The following NPY2R variants were observed in gnomAD, a reference collection of about 807,000 sequenced individuals.
NPY2R encodes neuropeptide Y receptor Y2, also known as neuropeptide Y receptor type 2.
In NPY2R, 17 loss-of-function variants were observed where a neutral mutation model predicts 22.3. That is an observed-to-expected ratio of 0.76 (90% confidence interval 0.52 to 1.14). The LOEUF (loss-of-function observed/expected upper bound fraction) is 1.14, where lower values mean the gene tolerates loss of function less well. Ranked by LOEUF, NPY2R falls within the 50% of genes most tolerant of loss-of-function variation. The pLI is 0.00. For missense variants in NPY2R, 424 were observed against 467.9 expected, an observed-to-expected ratio of 0.91 and a Z score of 0.87; for synonymous variants, 209 against 183.4, an observed-to-expected ratio of 1.14 and a Z score of -1.13.
chr4:155,196,161 C>G, the NPY2R span, among the ~76,000 whole-genome samples: 1 of 151,964 alleles, frequency 6.6e-6, no homozygotes, highest in African/African-American at 2.4e-5. Flanking sequence ...CCTTTTACAT[C>G]CTGGTCGGTG....
At chr4:155,188,605 A>T in the NPY2R span, among the ~76,000 whole-genome samples, 2 of 151,950 alleles carry the variant, frequency 1.3e-5, no homozygotes, top group African/African-American at 4.8e-5. Flanking sequence ...TTGCTAGCAG[A>T]CTCTTTCCCT....
chr4:155,202,511 G>A, the NPY2R span, among the ~76,000 whole-genome samples: 3 of 152,048 alleles, frequency 2.0e-5, no homozygotes, highest in African/African-American at 2.4e-5. Context: ...GGAGTGGTGC[G>A]TAATAAAATC....
In NPY2R at chr4:155,214,464, C is replaced by G. The variant is rs776415370; in HGVS notation, c.525C>G (p.Ile175Met). The change falls in exon 2 of 2, where the codon ATC (isoleucine) becomes ATG (methionine). Residue 175 changes from isoleucine (I) to methionine (M), a missense_variant. Physicochemically the swap from Ile to Met is conservative, Grantham distance 10 (BLOSUM62 1). Transcript: ENST00000329476. ...TGATTATTGGCTTGGCCTGGGGCAT[C>G]AGTGCCCTGCTGGCAAGTCCCCTGG... ...SFLIIGLAWG[I>M]SALLASPLAI... 17 of 1,613,958 alleles carry G rather than the reference C, an allele frequency of 1.1e-5. No individual in the cohort carries two copies. The highest frequency in any genetic ancestry group is 5.9e-6 in the Non-Finnish European group (7 of 1,180,024).
At chr4:155,207,944 A>G (rs1729315569), upstream of NPY2R, 1 of 152,374 alleles carries the variant, frequency 6.6e-6, no homozygotes, top group South Asian at 2.1e-4. Context: ...CTGAATCTGC[A>G]CTACTCAACT....
chr4:155,204,513 C>A (rs1729245858), upstream of NPY2R, among the ~76,000 whole-genome samples: 1 of 152,110 alleles, frequency 6.6e-6, no homozygotes, highest in Admixed American at 6.5e-5. Context: ...GCTCTTACTC[C>A]CTGCTGGATT....
the NPY2R span, among the ~76,000 whole-genome samples, chr4:155,190,202 T>C: frequency 2.6e-5 from 4 of 152,032 alleles, no homozygotes; most frequent in Non-Finnish European, 5.9e-5. Flanking sequence ...AAATAAAAGG[T>C]ATACCTTTCT....
At chr4:155,197,980 A>G in the NPY2R span, among the ~76,000 whole-genome samples, 9 of 152,006 alleles carry the variant, frequency 5.9e-5, no homozygotes, top group Non-Finnish European at 1.2e-4. Flanking sequence ...TTCCTCTCTG[A>G]CTTTCCACAT....
rs1300628524 is a variant in NPY2R at position 155,215,277 on chromosome 4, G to A, written c.*192G>A. ...GAAAATACTGGAATTCAAAGATAAG[G>A]CAACAAAATGGTTTACTTAACAGTT... On this transcript the variant is annotated 3_prime_UTR_variant, in exon 2 of 2. Coordinates refer to ENST00000329476, the MANE Select transcript of NPY2R (RefSeq NM_000910.4). 3.0e-6 allele frequency: 2 copies of A among 675,114 alleles called. No homozygotes were observed. Among genetic ancestry groups the A allele is most frequent in the Non-Finnish European group, 5.4e-6 (2 of 371,544 alleles). The allele number at this position is 675,114 out of a possible 1,614,324, so 41.8% of individuals were successfully genotyped here.
In NPY2R at chr4:155,208,885, C is replaced by A. The variant is rs1458072091; in HGVS notation, c.-233C>A. 6.6e-6 allele frequency: 1 copy of A among 152,170 alleles called. No individual in the cohort carries two copies. Among genetic ancestry groups the A allele is most frequent in the Non-Finnish European group, 1.5e-5 (1 of 68,060 alleles). The allele number at this position is 152,170 out of a possible 1,614,324, so 9.4% of individuals were successfully genotyped here. A position where few individuals can be genotyped will look rare whatever the true frequency, so the allele number is the denominator to read the frequency against. The stretch of plus-strand genomic sequence containing the variant: ...GACCCGGCAGCGCCAACCGCCCAGC[C>A]GCTCTGACTGCTCCGGCTGCCCGCC... On this transcript the variant is annotated 5_prime_UTR_variant, in exon 1 of 2. Transcript: ENST00000329476. The surrounding 1 kb of genome is among the most constrained non-coding windows in gnomAD (Gnocchi z 5.6).
At position 155,215,177 on chromosome 4, in the gene NPY2R, T is replaced by C. The variant is rs539588805; in HGVS notation, c.*92T>C. The C allele has an allele frequency of 8.3e-6, 10 of 1,210,360 alleles. No homozygotes were observed. In the East Asian group the frequency reaches 2.4e-4, roughly 30 times the overall value. 75.0% of individuals were successfully genotyped at this position (1,210,360 alleles called of 1,614,324 possible). ...TCACAAGTGAAAACTGATTTCCCAT[T>C]TTAAAGAAGAAGTGGATCTAAATGG... is the stretch of plus-strand genomic sequence containing the variant. On this transcript the variant is annotated 3_prime_UTR_variant, in exon 2 of 2. Transcript: ENST00000329476.
chr4:155,194,747 G>C, the NPY2R span, among the ~76,000 whole-genome samples: 4 of 151,940 alleles, frequency 2.6e-5, no homozygotes, highest in African/African-American at 9.7e-5. Flanking sequence ...ATTCCTTTGA[G>C]TGTATACCTG....
the NPY2R span, among the ~76,000 whole-genome samples, chr4:155,188,665 G>C: frequency 1.9e-3 from 294 of 152,204 alleles, 2 homozygotes; most frequent in Non-Finnish European, 3.5e-3. Context: ...TATGTGACAA[G>C]GGACTGAAGA....
At chr4:155,176,077 G>A in the NPY2R span, among the ~76,000 whole-genome samples, 1 of 152,074 alleles carries the variant, frequency 6.6e-6, no homozygotes, top group Non-Finnish European at 1.5e-5. Flanking sequence ...AAACTTGTCC[G>A]ATCACCACAT....
chr4:155,189,613 T>C, the NPY2R span, among the ~76,000 whole-genome samples: 3 of 151,980 alleles, frequency 2.0e-5, no homozygotes, highest in Non-Finnish European at 4.4e-5. Context: ...TATATATCTA[T>C]TGTATACATA....
chr4:155,204,001 TC>T (rs1729236641), upstream of NPY2R, among the ~76,000 whole-genome samples: 2 of 152,186 alleles, frequency 1.3e-5, no homozygotes, highest in Non-Finnish European at 2.9e-5. Context: ...CACTTTTTGG[TC>T]CTGTGCTCTT....
At chr4:155,210,562 C>T (rs879471548) in intron 1 of NPY2R, among the ~76,000 whole-genome samples, 13 of 152,108 alleles carry the variant, frequency 8.5e-5, no homozygotes, top group Non-Finnish European at 1.9e-4. Context: ...CAGTCTCTTT[C>T]TTAGTCTAGG....
chr4:155,197,584 C>T, the NPY2R span, among the ~76,000 whole-genome samples: 2 of 151,780 alleles, frequency 1.3e-5, no homozygotes, highest in East Asian at 3.9e-4. Context: ...CATGCCTGCA[C>T]ATATATACAA....
the NPY2R span, among the ~76,000 whole-genome samples, chr4:155,179,225 T>C: frequency 4.0e-5 from 6 of 150,410 alleles, no homozygotes; most frequent in African/African-American, 1.2e-4. Flanking sequence ...TTCTATCATA[T>C]CTTTATTTCT....
Position 155,216,771 on chromosome 4 carries a change from A to G in NPY2R, c.*1686A>G, listed in dbSNP as rs887963864. The G allele has an allele frequency of 3.0e-5, 5 of 167,050 alleles. No individual in the cohort carries two copies. The highest frequency in any genetic ancestry group is 5.9e-5 in the Non-Finnish European group (4 of 68,098). The allele number at this position is 167,050 out of a possible 1,614,324, so 10.3% of individuals were successfully genotyped here. A position where few individuals can be genotyped will look rare whatever the true frequency, so the allele number is the denominator to read the frequency against. On this transcript the variant is annotated 3_prime_UTR_variant, in exon 2 of 2. Transcript: ENST00000329476. The stretch of plus-strand genomic sequence containing the variant: ...AATGTATATCTGTAATATATAATCA[A>G]ATGATTCATTTTTCTGTTAGACTAG...
Sources: gnomAD v4.1 joint callset for allele counts (sites outside exome capture counted in the v4.1 genomes callset) on GRCh38, gnomAD v4.1.1 for gene constraint, Gnocchi (gnomAD v3.1) non-coding constraint, MANE v1.5 for transcripts, NCBI Gene and HGNC (gene_info 2026-07-23, HGNC 2026-07-21) for gene names.